The following RABGAP1L variants were observed in gnomAD, a reference collection of about 807,000 sequenced individuals.
The protein encoded by RABGAP1L is RAB GTPase activating protein 1 like, also known as rab GTPase-activating protein 1-like.
In RABGAP1L, 63 loss-of-function variants were observed where a neutral mutation model predicts 137.7. The ratio of observed to expected loss-of-function variants is 0.46; its 90% CI spans 0.37 to 0.56. The LOEUF is 0.56. Ranked by LOEUF, RABGAP1L falls within the 20% of genes least tolerant of loss-of-function variation. RABGAP1L has a pLI of 0.00. For missense variants in RABGAP1L, 1,095 were observed against 1,244.0 expected (o/e 0.88, Z 1.80); for synonymous variants, 431 against 433.7 (o/e 0.99, Z 0.08).
chr1:174,453,014 T>G (rs768490744), intron 13 of RABGAP1L, among the ~76,000 whole-genome samples: 5 of 152,214 alleles, frequency 3.3e-5, no homozygotes, highest in African/African-American at 1.2e-4. Flanking sequence ...ATTCAAATTT[T>G]GGGGTTAAAC....
chr1:174,637,409 T>C lies in RABGAP1L; in HGVS notation c.1745T>C (p.Ile582Thr). ...SAQESVITRD[I>T]HRTFPAHDYF... The stretch of plus-strand genomic sequence containing the variant: ...CAGGAGAGTGTTATTACTCGAGATA[T>C]TCATCGTACATTTCCCGCACATGAT... Residue 582 changes from isoleucine to threonine, a missense_variant, in exon 14 of 26, where the codon ATT becomes ACT. Physicochemically the swap from Ile to Thr is moderately conservative, Grantham distance 89. Around this residue, in one of 4 missense-constraint regions of RABGAP1L, gnomAD observed 315 missense variants for 324.8 expected, o/e 0.97. Transcript: ENST00000681986. 1.2e-6 allele frequency: 2 copies of C among 1,613,114 alleles called. No homozygotes were observed. Among genetic ancestry groups the C allele is most frequent in the Non-Finnish European group, 1.7e-6 (2 of 1,179,070 alleles).
At chr1:174,394,980 T>A (rs76061324) in intron 13 of RABGAP1L, among the ~76,000 whole-genome samples, 13 of 151,938 alleles carry the variant, frequency 8.6e-5, no homozygotes, top group African/African-American at 1.2e-4. Context: ...TTTTTTTTTT[T>A]AAATTGATGG....
intron 17 of RABGAP1L, among the ~76,000 whole-genome samples, chr1:174,748,337 G>A (rs1054983585): frequency 1.3e-5 from 2 of 152,182 alleles, no homozygotes; most frequent in Non-Finnish European, 2.9e-5. Flanking sequence ...CATTTACTAT[G>A]CACATTATAC....
At chr1:174,900,868 A>G (rs1388155751) in intron 19 of RABGAP1L, among the ~76,000 whole-genome samples, 4 of 152,000 alleles carry the variant, frequency 2.6e-5, no homozygotes, top group Non-Finnish European at 1.5e-5. Context: ...GTTCTCCTGG[A>G]TGATATCCTG....
chr1:174,211,331 G>T (rs1427845608), intron 1 of RABGAP1L, among the ~76,000 whole-genome samples: 1 of 152,122 alleles, frequency 6.6e-6, no homozygotes, highest in Non-Finnish European at 1.5e-5. Flanking sequence ...AACAAGAAAA[G>T]ATTAAGCAGG....
At chr1:174,466,227 T>C (rs772606540) in intron 13 of RABGAP1L, among the ~76,000 whole-genome samples, 1 of 152,204 alleles carries the variant, frequency 6.6e-6, no homozygotes, top group Non-Finnish European at 1.5e-5. Context: ...CCTTCTACTT[T>C]AATGTGATCT....
At chr1:174,793,904 C>T (rs555771242) in intron 18 of RABGAP1L, among the ~76,000 whole-genome samples, 1 of 152,222 alleles carries the variant, frequency 6.6e-6, no homozygotes, top group East Asian at 1.9e-4. Context: ...GATATGTTGG[C>T]CAGGTTGGTC....
intron 20 of RABGAP1L, among the ~76,000 whole-genome samples, chr1:174,958,589 C>T (rs1166178718): frequency 6.6e-6 from 1 of 152,124 alleles, no homozygotes; most frequent in Non-Finnish European, 1.5e-5. Flanking sequence ...GGATGACTTC[C>T]ACTTTTGTAA....
At chr1:174,256,211 A>C (rs1201621743) in intron 7 of RABGAP1L, among the ~76,000 whole-genome samples, 1 of 152,170 alleles carries the variant, frequency 6.6e-6, no homozygotes, top group Non-Finnish European at 1.5e-5. Context: ...TTTTTGGAGA[A>C]TACATCCATT....
intron 13 of RABGAP1L, among the ~76,000 whole-genome samples, chr1:174,417,416 C>A (rs186800869): frequency 6.6e-6 from 1 of 152,116 alleles, no homozygotes; most frequent in African/African-American, 2.4e-5. Context: ...AACAATCTTG[C>A]GAATGTTGGG....
intron 25 of RABGAP1L, 47 bp downstream of exon 25, chr1:174,988,885 G>A (rs1019559571): frequency 1.2e-5 from 18 of 1,478,798 alleles, no homozygotes; most frequent in Non-Finnish European, 1.5e-5. Flanking sequence ...AACAATTAAT[G>A]GTCCAGGATA....
At chr1:174,679,447 A>G (rs368034207) in intron 14 of RABGAP1L, among the ~76,000 whole-genome samples, 5 of 152,356 alleles carry the variant, frequency 3.3e-5, no homozygotes, top group African/African-American at 4.8e-5. Flanking sequence ...AAGGATATCT[A>G]TGGAAAATCT....
chr1:174,434,863 A>G (rs1055006036), intron 13 of RABGAP1L, among the ~76,000 whole-genome samples: 2 of 152,098 alleles, frequency 1.3e-5, no homozygotes, highest in Non-Finnish European at 2.9e-5. Flanking sequence ...GGAGTCAGTT[A>G]TATATTTTGG....
chr1:174,587,534 TAATC>T (rs1231433755), intron 13 of RABGAP1L, among the ~76,000 whole-genome samples: 4 of 151,970 alleles, frequency 2.6e-5, no homozygotes, highest in Admixed American at 6.5e-5. Context: ...AATATACAGT[TAATC>T]AAAGAGAGAG....
chr1:174,201,502 A>G (rs963742734), intron 1 of RABGAP1L, among the ~76,000 whole-genome samples: 4 of 152,096 alleles, frequency 2.6e-5, no homozygotes, highest in Non-Finnish European at 4.4e-5. Flanking sequence ...CCTAGAAACT[A>G]TTCTTTAGCT....
Position 174,266,462 on chromosome 1 carries a change from C to T in RABGAP1L, c.987-5952C>T, listed in dbSNP as rs144782410. On this transcript the variant is annotated intron_variant, in intron 7 of 25. Transcript: ENST00000681986. ...TAGAACCTATGTGTGTATATACAGG[C>T]AGTCCTTGCTTTGTAGTTATGGTAT... is the stretch of plus-strand genomic sequence containing the variant. Among the ~76,000 whole-genome samples, 194 of 152,266 alleles carry T rather than the reference C, an allele frequency of 1.3e-3. 1 individual carries two copies. The highest frequency in any genetic ancestry group is 4.6e-3 in the African/African-American group (192 of 41,556).
chr1:174,303,078 C>T (rs1013997629), intron 10 of RABGAP1L, among the ~76,000 whole-genome samples: 7 of 150,766 alleles, frequency 4.6e-5, no homozygotes, highest in Admixed American at 6.6e-5. Flanking sequence ...TTAGCATTGG[C>T]GTTCTTTAGT....
Position 174,371,016 on chromosome 1 carries a change from G to A in RABGAP1L, c.1503G>A (p.Val501=). 6.6e-7 allele frequency: 1 copy of A among 1,506,960 alleles called. No homozygotes were observed. The allele number at this position is 1,506,960 out of a possible 1,614,324, so 93.3% of individuals were successfully genotyped here. ...AACTCTCAAGTGGAACAGGTGATGT[G>A]TCTAAGGATTGTCCTGAGAAGATCC... is the stretch of plus-strand genomic sequence containing the variant. ...DNELSSGTGD[V]SKDCPEKILY... Residue 501 remains valine, a synonymous_variant, in exon 12 of 26, where the codon GTG becomes GTA. Transcript: ENST00000681986.
chr1:174,986,112 T>A (rs1671572761), intron 24 of RABGAP1L, among the ~76,000 whole-genome samples: 1 of 152,136 alleles, frequency 6.6e-6, no homozygotes, highest in South Asian at 2.1e-4. Context: ...CTAATTTTTG[T>A]ATTTTTAGTA....
Sources: allele counts gnomAD v4.1 joint callset (sites outside exome capture counted in the v4.1 genomes callset), GRCh38; gene constraint gnomAD v4.1.1; regional missense constraint gnomAD v4.1.1; transcripts MANE v1.5; gene names NCBI Gene and HGNC (gene_info 2026-07-23, HGNC 2026-07-21).